The following C3orf49 variants were observed in gnomAD, a reference collection of about 807,000 sequenced individuals.
C3orf49 encodes the protein chromosome 3 open reading frame 49.
Under a neutral mutation model 13.3 loss-of-function variants are expected in C3orf49, and 27 were observed. The observed-to-expected ratio is 2.02, with a 90% confidence interval of 1.49 to 2.79. The LOEUF (loss-of-function observed/expected upper bound fraction) is 2.79, where lower values mean the gene tolerates loss of function less well. Ranked by LOEUF, C3orf49 falls within the 30% of genes most tolerant of loss-of-function variation. The probability of loss-of-function intolerance (pLI) is 0.00; values close to 1 mark genes in which losing one functional copy is unlikely to be tolerated. For missense variants in C3orf49, 242 were observed against 134.2 expected (o/e 1.80, Z -3.97); for synonymous variants, 87 against 47.6 (o/e 1.83, Z -3.40).
chr3:63,840,266 G>T (rs1488819741), intron 5 of C3orf49, among the ~76,000 whole-genome samples: 1 of 152,034 alleles, frequency 6.6e-6, no homozygotes, highest in Admixed American at 6.6e-5. Context: ...TTTAAAAGAT[G>T]TAGTGGCAAA....
the C3orf49 span, among the ~76,000 whole-genome samples, chr3:63,789,804 C>G: frequency 9.3e-6 from 1 of 107,952 alleles, no homozygotes; most frequent in Non-Finnish European, 1.7e-5. Context: ...GAGCAAGACT[C>G]TGTCTCAAAA....
chr3:63,843,484 T>G (rs1401414112), intron 5 of C3orf49, among the ~76,000 whole-genome samples: 3 of 152,206 alleles, frequency 2.0e-5, no homozygotes, highest in African/African-American at 7.2e-5. Flanking sequence ...ACTGGTTATG[T>G]GTCCAAAGGA....
intron 5 of C3orf49, among the ~76,000 whole-genome samples, chr3:63,843,474 A>G (rs1274197153): frequency 2.0e-5 from 3 of 152,172 alleles, no homozygotes; most frequent in African/African-American, 7.2e-5. Flanking sequence ...CAATCCCACT[A>G]CTGGTTATGT....
intron 3 of C3orf49, among the ~76,000 whole-genome samples, chr3:63,829,170 G>C (rs1485607945): frequency 1.3e-5 from 2 of 152,130 alleles, no homozygotes; most frequent in Non-Finnish European, 2.9e-5. Flanking sequence ...TGTGTGCTAG[G>C]TTCGTATTCA....
At chr3:63,780,778 A>G in the C3orf49 span, among the ~76,000 whole-genome samples, 8 of 152,170 alleles carry the variant, frequency 5.3e-5, no homozygotes, top group Non-Finnish European at 1.0e-4. Flanking sequence ...TTGGCTGCAT[A>G]AATGTCTTCT....
chr3:63,802,707 A>G, the C3orf49 span, among the ~76,000 whole-genome samples: 9 of 152,184 alleles, frequency 5.9e-5, no homozygotes, highest in African/African-American at 1.9e-4. Context: ...TCCATACATT[A>G]TCTTTTAGAA....
chr3:63,781,525 A>C, the C3orf49 span, among the ~76,000 whole-genome samples: 1 of 152,254 alleles, frequency 6.6e-6, no homozygotes, highest in East Asian at 1.9e-4. Context: ...CAATTCTGTG[A>C]AGAAAGTCAT....
chr3:63,811,765 A>G, the C3orf49 span, among the ~76,000 whole-genome samples: 1 of 151,876 alleles, frequency 6.6e-6, no homozygotes, highest in Non-Finnish European at 1.5e-5. Flanking sequence ...TTACAAAGAC[A>G]AATTGTGAAA....
the C3orf49 span, among the ~76,000 whole-genome samples, chr3:63,789,887 T>G: frequency 2.6e-5 from 4 of 151,894 alleles, no homozygotes; most frequent in Non-Finnish European, 5.9e-5. Flanking sequence ...CTTCACACTT[T>G]ACATGAAATC....
chr3:63,834,024 T>A, intron 5 of C3orf49: 1 of 1,023,796 alleles, frequency 9.8e-7, no homozygotes, highest in South Asian at 1.6e-5. Flanking sequence ...AAAAACAGAG[T>A]ATTTTACTGC....
chr3:63,811,414 C>T, the C3orf49 span, among the ~76,000 whole-genome samples: 3 of 151,818 alleles, frequency 2.0e-5, no homozygotes, highest in Non-Finnish European at 2.9e-5. Flanking sequence ...AAAAACTAGC[C>T]GAGCATGGGG....
chr3:63,845,708 G>A (rs1366400326), intron 6 of C3orf49, among the ~76,000 whole-genome samples: 1 of 152,180 alleles, frequency 6.6e-6, no homozygotes, highest in Non-Finnish European at 1.5e-5. Context: ...TGGTCAAGGC[G>A]ATCTCAAAGC....
chr3:63,806,112 T>C, the C3orf49 span, among the ~76,000 whole-genome samples: 1 of 152,196 alleles, frequency 6.6e-6, no homozygotes, highest in Non-Finnish European at 1.5e-5. Flanking sequence ...TGAAGTCCCC[T>C]GGAAGCTGTC....
the C3orf49 span, among the ~76,000 whole-genome samples, chr3:63,812,615 A>G: frequency 6.6e-6 from 1 of 152,168 alleles, no homozygotes; most frequent in Non-Finnish European, 1.5e-5. Flanking sequence ...TGAATAATAC[A>G]GTTTGGCTCT....
intron 2 of C3orf49, among the ~76,000 whole-genome samples, 196 bp downstream of exon 2, chr3:63,823,765 G>A (rs1007201717): frequency 8.1e-6 from 1 of 123,356 alleles, no homozygotes; most frequent in Non-Finnish European, 1.7e-5. Context: ...TGTTCATACC[G>A]TTGTGTGTGT....
At chr3:63,823,700 C>T (rs1701428520) in intron 2 of C3orf49, 131 bp downstream of exon 2, 2 of 607,122 alleles carry the variant, frequency 3.3e-6, no homozygotes, top group Non-Finnish European at 5.8e-6. Context: ...CAGGCCCTAC[C>T]TGGGACCTTC....
intron 5 of C3orf49, chr3:63,835,435 A>C (rs376084002): frequency 7.5e-5 from 118 of 1,569,500 alleles, no homozygotes; most frequent in Admixed American, 2.2e-4. Flanking sequence ...ATGGGGGAGA[A>C]GAGTTTACAA....
intron 4 of C3orf49, among the ~76,000 whole-genome samples, 185 bp from the exon 5 acceptor site, chr3:63,831,495 A>T (rs1474157368): frequency 1.3e-5 from 2 of 152,200 alleles, no homozygotes; most frequent in African/African-American, 2.4e-5. Context: ...GATTGTCTTT[A>T]TCACTGGGTG....
At chr3:63,842,474 TA>T (rs1701786825) in intron 5 of C3orf49, among the ~76,000 whole-genome samples, 2 of 152,010 alleles carry the variant, frequency 1.3e-5, no homozygotes, top group East Asian at 1.9e-4. Context: ...AATGAGTGAA[TA>T]AAGAAAATGT....
Sources: gnomAD v4.1 joint callset for allele counts (sites outside exome capture counted in the v4.1 genomes callset) on GRCh38, gnomAD v4.1.1 for gene constraint, MANE v1.5 for transcripts, NCBI Gene and HGNC (gene_info 2026-07-23, HGNC 2026-07-21) for gene names.